The following NRF1 variants were observed in gnomAD, a reference collection of about 807,000 sequenced individuals.
NRF1 encodes nuclear respiratory factor 1, also known as alpha palindromic-binding protein.
Under a neutral mutation model 58.5 loss-of-function variants are expected in NRF1, and 5 were observed. That is an observed-to-expected ratio of 0.09 (90% CI 0.04 to 0.18). The LOEUF is 0.18. NRF1 is among the 10% of genes least tolerant of loss of function. The probability of loss-of-function intolerance (pLI) is 1.00; values close to 1 mark genes in which losing one functional copy is unlikely to be tolerated. For synonymous variants in NRF1, 224 were observed against 246.7 expected (o/e 0.91, Z 0.86); for missense variants, 288 against 657.7 (o/e 0.44, Z 6.15).
At position 129,620,762 on chromosome 7, in the gene NRF1, T is replaced by A. The variant is rs188195184; in HGVS notation, c.-7+8938T>A. 2.8e-4 allele frequency among the ~76,000 whole-genome samples: 42 copies of A among 152,370 alleles called. 1 individual carries two copies. Among genetic ancestry groups the A allele is most frequent in the South Asian group, 2.3e-3 (11 of 4,830 alleles). On this transcript the variant is annotated intron_variant, in intron 1 of 10. Transcript: ENST00000393232. The stretch of plus-strand genomic sequence containing the variant: ...AGATTGTGCTTGTTGGAAAAAAATT[T>A]TTCTACCAAGCTGGCTCATCTGTCA...
chr7:129,733,224 T>C (rs1167516781), intron 10 of NRF1, among the ~76,000 whole-genome samples: 1 of 152,082 alleles, frequency 6.6e-6, no homozygotes, highest in Admixed American at 6.5e-5. Context: ...TCCCAGCACT[T>C]TGGGAGGCCG....
intron 1 of NRF1, among the ~76,000 whole-genome samples, chr7:129,648,776 A>G (rs1284405966): frequency 6.6e-6 from 1 of 152,072 alleles, no homozygotes; most frequent in African/African-American, 2.4e-5. Context: ...TCCCGCCTCC[A>G]AATTTCTGTC....
At chr7:129,709,348 G>A in intron 6 of NRF1, 115 bp downstream of exon 6, 1 of 834,318 alleles carries the variant, frequency 1.2e-6, no homozygotes, top group African/African-American at 1.7e-5. Context: ...AGTTAAGCCT[G>A]TCCCTCCAAA....
Position 129,625,756 on chromosome 7 carries a change from A to G in NRF1, c.-7+13932A>G, listed in dbSNP as rs527575172. Among the ~76,000 whole-genome samples the G allele has an allele frequency of 1.7e-4, 23 of 135,442 alleles. No individual in the cohort carries two copies. In the East Asian group the frequency reaches 4.9e-3, roughly 29 times the overall value. 88.9% of individuals were successfully genotyped at this position (135,442 alleles called of 152,430 possible). A position where few individuals can be genotyped will look rare whatever the true frequency, so the allele number is the denominator to read the frequency against. On this transcript the variant is annotated intron_variant, in intron 1 of 10. Transcript: ENST00000393232. ...GAGTGCAGTGGTGCGATCTCAGCTC[A>G]CTGCAAGCTCTGCCTCCCGGGTTCA...
chr7:129,670,374 A>G (rs1307782595), intron 2 of NRF1, among the ~76,000 whole-genome samples: 1 of 152,256 alleles, frequency 6.6e-6, no homozygotes, highest in Non-Finnish European at 1.5e-5. Context: ...ATGCAGCCAT[A>G]AAATTTTTTC....
At chr7:129,642,689 T>C (rs997064063) in intron 1 of NRF1, among the ~76,000 whole-genome samples, 12 of 151,978 alleles carry the variant, frequency 7.9e-5, no homozygotes, top group African/African-American at 2.9e-4. Context: ...TATTTTTAAT[T>C]CCCCTATATT....
chr7:129,617,071 T>C (rs1800674221), intron 1 of NRF1, among the ~76,000 whole-genome samples: 1 of 152,270 alleles, frequency 6.6e-6, no homozygotes, highest in Non-Finnish European at 1.5e-5. Flanking sequence ...TGCTGATTTC[T>C]GTGGTAACAA....
At chr7:129,635,314 T>G (rs544239498) in intron 1 of NRF1, among the ~76,000 whole-genome samples, 29 of 152,296 alleles carry the variant, frequency 1.9e-4, no homozygotes, top group African/African-American at 7.0e-4. Flanking sequence ...GCAGAAGAGT[T>G]TTGGTTTTTT....
In NRF1 at chr7:129,755,563, ATG is replaced by A. The variant is rs1804234296; in HGVS notation, c.*384_*385del. 1 of 143,236 alleles carries A rather than the reference ATG, an allele frequency of 7.0e-6. No individual in the cohort carries two copies. Among genetic ancestry groups the A allele is most frequent in the African/African-American group, 2.6e-5 (1 of 38,712 alleles). The allele number at this position is 143,236 out of a possible 1,614,324, so 8.9% of individuals were successfully genotyped here. The stretch of plus-strand genomic sequence containing the variant: ...TATATATACATATATATATATATAT[ATG>A]TATGAAACCCGCATGGAATTATCTG... On this transcript the variant is annotated 3_prime_UTR_variant, in exon 11 of 11. Transcript: ENST00000393232. The surrounding 1 kb of genome is among the most constrained non-coding windows in gnomAD (Gnocchi z 5.8).
At chr7:129,629,727 T>C (rs1203540146) in intron 1 of NRF1, among the ~76,000 whole-genome samples, 1 of 152,172 alleles carries the variant, frequency 6.6e-6, no homozygotes, top group Non-Finnish European at 1.5e-5. Flanking sequence ...TTAATAAAAT[T>C]AATAATATTT....
chr7:129,660,115 A>C (rs756200354), intron 2 of NRF1, among the ~76,000 whole-genome samples: 1 of 152,212 alleles, frequency 6.6e-6, no homozygotes, highest in Non-Finnish European at 1.5e-5. Flanking sequence ...CCTCCTTTTA[A>C]AACCATCAGA....
chr7:129,691,974 T>C (rs553659968), intron 5 of NRF1, among the ~76,000 whole-genome samples: 1 of 152,262 alleles, frequency 6.6e-6, no homozygotes, highest in African/African-American at 2.4e-5. Flanking sequence ...CCACTCCACA[T>C]CTGTTCCTCT....
At chr7:129,731,066 G>A (rs1011638737) in intron 10 of NRF1, among the ~76,000 whole-genome samples, 1 of 151,992 alleles carries the variant, frequency 6.6e-6, no homozygotes, top group African/African-American at 2.4e-5. Context: ...GAGGTCAGGA[G>A]TTTGAGACCA....
chr7:129,719,885 T>C (rs1253799308), intron 9 of NRF1, among the ~76,000 whole-genome samples: 1 of 152,174 alleles, frequency 6.6e-6, no homozygotes, highest in African/African-American at 2.4e-5. Flanking sequence ...CTTGATTTCA[T>C]TGAGACTTGC....
intron 1 of NRF1, among the ~76,000 whole-genome samples, chr7:129,620,329 A>G (rs543358557): frequency 1.3e-5 from 2 of 151,272 alleles, no homozygotes; most frequent in East Asian, 1.9e-4. Context: ...GACACTTAGT[A>G]TATGTTTATT....
At position 129,651,419 on chromosome 7, in the gene NRF1, CAA is replaced by C. The variant is rs11319951; in HGVS notation, c.-6-5912_-6-5911del. ...TGGGCAACAGAGTGAGACTCTGTCT[CAA>C]AAAAAAAAAAAAAATGGTTAGAGAG... On this transcript the variant is annotated intron_variant, in intron 1 of 10. Transcript: ENST00000393232. Among the ~76,000 whole-genome samples the C allele has an allele frequency of 1.5e-3, 205 of 133,816 alleles. 1 individual carries two copies. The highest frequency in any genetic ancestry group is 3.3e-3 in the African/African-American group (117 of 35,196). The allele number at this position is 133,816 out of a possible 152,430, so 87.8% of individuals were successfully genotyped here. A position where few individuals can be genotyped will look rare whatever the true frequency, so the allele number is the denominator to read the frequency against.
intron 3 of NRF1, among the ~76,000 whole-genome samples, chr7:129,675,729 A>T (rs1802161939): frequency 1.3e-5 from 2 of 152,172 alleles, no homozygotes; most frequent in African/African-American, 4.8e-5. Flanking sequence ...CCATGCTGTA[A>T]ACAGATGTAC....
intron 4 of NRF1, among the ~76,000 whole-genome samples, chr7:129,681,014 C>T (rs1322049816): frequency 6.6e-6 from 1 of 152,156 alleles, no homozygotes; most frequent in African/African-American, 2.4e-5. Context: ...AGCAAAAGTG[C>T]AGTTGTAATT....
chr7:129,718,599 A>C (rs1803244109), intron 9 of NRF1, among the ~76,000 whole-genome samples: 1 of 152,218 alleles, frequency 6.6e-6, no homozygotes, highest in Non-Finnish European at 1.5e-5. Flanking sequence ...AGTATTACTT[A>C]GAGTGTAACT....
Sources: allele counts gnomAD v4.1 joint callset (sites outside exome capture counted in the v4.1 genomes callset), GRCh38; gene constraint gnomAD v4.1.1; non-coding constraint Gnocchi (gnomAD v3.1); transcripts MANE v1.5; gene names NCBI Gene and HGNC (gene_info 2026-07-23, HGNC 2026-07-21).